Variants in TSC1 observed in about 807,000 individuals in gnomAD.
TSC1 encodes hamartin.
A neutral mutation model predicts 124.3 loss-of-function variants in TSC1; 20 were observed. The observed-to-expected ratio is 0.16, with a 90% CI of 0.11 to 0.23. TSC1 has a LOEUF of 0.23. Ranked by LOEUF, TSC1 falls within the 10% of genes least tolerant of loss-of-function variation. TSC1 has a pLI of 1.00. For synonymous variants in TSC1, 493 were observed against 539.1 expected (o/e 0.91, Z 1.19); for missense variants, 1,124 against 1,448.5 (o/e 0.78, Z 3.64).
intron 20 of TSC1, chr9:132,900,204 A>T (rs968600730): frequency 5.7e-6 from 1 of 176,084 alleles, no homozygotes; most frequent in African/African-American, 2.4e-5. Flanking sequence ...ACCTGAGGCT[A>T]TTTATAAAGT....
intron 20 of TSC1, chr9:132,899,247 G>A (rs1380183548): frequency 6.6e-6 from 1 of 152,320 alleles, no homozygotes; most frequent in Non-Finnish European, 1.5e-5. Context: ...TTCTTGCTGA[G>A]GAATAGGAAG....
At chr9:132,910,528 C>T (rs2131935470) in intron 12 of TSC1, 43 bp downstream of exon 12, 1 of 1,613,792 alleles carries the variant, frequency 6.2e-7, no homozygotes, top group Non-Finnish European at 8.5e-7. Flanking sequence ...GCAAGTGAGT[C>T]ACTGTGCCTG....
rs2131764159 is a variant in TSC1, at chr9:132,903,719, G to C, written c.2140C>G (p.Leu714Val). ...TTGCGGAGGAGCCGCCTGTTCCGGA[G>C]GGCATGCTGCTGCCTCTTAAAACGC... The part of the protein sequence containing the change: ...YERFKRQQHA[L>V]RNRRLLRKVI... Residue 714 changes from leucine (L) to valine (V), a missense_variant, in exon 17 of 23, where the codon CTC becomes GTC. Around this residue, in one of 5 missense-constraint regions of TSC1, gnomAD observed 321 missense variants for 397.4 expected, o/e 0.81. Coordinates refer to ENST00000298552, the MANE Select transcript of TSC1 (RefSeq NM_000368.5). The surrounding 1 kb of genome is among the most constrained non-coding windows in gnomAD (Gnocchi z 5.9). The C allele has an allele frequency of 6.2e-7, 1 of 1,613,214 alleles. No individual in the cohort carries two copies. Among genetic ancestry groups the C allele is most frequent in the Non-Finnish European group, 8.5e-7 (1 of 1,180,024 alleles).
At position 132,896,452 on chromosome 9, in the gene TSC1, C is replaced by T. The variant is rs550526986; in HGVS notation, c.3278G>A (p.Arg1093Gln). 4 of 1,614,172 alleles carry T rather than the reference C, an allele frequency of 2.5e-6. No homozygotes were observed. The highest frequency in any genetic ancestry group is 1.1e-5 in the South Asian group (1 of 91,078). The change falls in exon 23 of 23, where the codon CGA becomes CAA. Residue 1093 changes from arginine to glutamine, a missense_variant. By Grantham distance (43) the Arg-to-Gln change is conservative (BLOSUM62 1). Around this residue, in one of 5 missense-constraint regions of TSC1, gnomAD observed 325 missense variants for 383.4 expected, o/e 0.85. Coordinates refer to ENST00000298552, the MANE Select transcript of TSC1 (RefSeq NM_000368.5). This position sits in a 1 kb window ranked among gnomAD's most constrained non-coding sequence, Gnocchi z 4.5. ...SSKSFLGMKA[R>Q]ELFRNKSESQ... ...CTCGCTCTTATTACGAAATAACTCT[C>T]GAGCCTTCATACCCAGGAAGCTTTT... is the stretch of plus-strand genomic sequence containing the variant.
intron 8 of TSC1, among the ~76,000 whole-genome samples, chr9:132,919,566 G>A (rs191282229): frequency 1.8e-4 from 28 of 152,188 alleles, no homozygotes; most frequent in Non-Finnish European, 3.2e-4. Context: ...TCAAATTACC[G>A]ACTCTCAACC....
rs1294650682 is a variant in TSC1, at chr9:132,903,984, T to G, written c.2042-167A>C. On this transcript the variant is annotated intron_variant, in intron 16 of 22. Coordinates refer to ENST00000298552, the MANE Select transcript of TSC1 (RefSeq NM_000368.5). This position sits in a 1 kb window ranked among gnomAD's most constrained non-coding sequence, Gnocchi z 5.9. ...CCCAGCAACAGCAGGGGGGAAAGTA[T>G]GGACTATGTGTCTCCCCCGTGAAGG... 6.6e-6 allele frequency among the ~76,000 whole-genome samples: 1 copy of G among 152,178 alleles called. No homozygotes were observed. Among genetic ancestry groups the G allele is most frequent in the Non-Finnish European group, 1.5e-5 (1 of 68,026 alleles).
At position 132,894,918 on chromosome 9, in the gene TSC1, T is replaced by C. The variant is rs1004755147; in HGVS notation, c.*1317A>G. On this transcript the variant is annotated 3_prime_UTR_variant, in exon 23 of 23. Transcript: ENST00000298552. ...ACAGTTCTTAGGCTTCTAGCGTTTC[T>C]TTCAGGAGCACTTGTTGAGTTTGGA... 5 of 231,572 alleles carry C rather than the reference T, an allele frequency of 2.2e-5. No individual in the cohort carries two copies. Among genetic ancestry groups the C allele is most frequent in the Non-Finnish European group, 4.3e-5 (5 of 117,072 alleles). 14.3% of individuals were successfully genotyped at this position (231,572 alleles called of 1,614,324 possible). A position where few individuals can be genotyped will look rare whatever the true frequency, so the allele number is the denominator to read the frequency against.
At chr9:132,913,878 T>TTTGTA (rs1846111079) in intron 8 of TSC1, among the ~76,000 whole-genome samples, 3 of 99,876 alleles carry the variant, frequency 3.0e-5, no homozygotes, top group Non-Finnish European at 6.6e-5. Context: ...CCATGGGTTT[T>TTTGTA]TTGTTTTGTT....
At chr9:132,917,822 A>G (rs1299925107) in intron 8 of TSC1, among the ~76,000 whole-genome samples, 3 of 152,002 alleles carry the variant, frequency 2.0e-5, no homozygotes, top group Admixed American at 2.0e-4. Flanking sequence ...AATTTTGAAG[A>G]GTTCTTTTAG....
At chr9:132,928,721 C>G (rs1445560127) in intron 3 of TSC1, 46 bp downstream of exon 3, 6 of 1,609,650 alleles carry the variant, frequency 3.7e-6, no homozygotes, top group Admixed American at 1.7e-5. Flanking sequence ...TAAAGTCAAT[C>G]TCTTCTTTCT....
chr9:132,917,617 C>A (rs1846334550), intron 8 of TSC1, among the ~76,000 whole-genome samples: 1 of 152,176 alleles, frequency 6.6e-6, no homozygotes, highest in Non-Finnish European at 1.5e-5. Flanking sequence ...CAGGCGTGAG[C>A]CACTGCACCC....
rs796053469 is a variant in TSC1, at chr9:132,906,737, CTTT to C, written c.1429_1431del (p.Lys477del). Reference sequence around the variant, plus strand: ...GCAATCCCACATACATTACCTTCTTCTTTATCTTTTTCAATACTATCTTCTTCA... The same window carrying C: ...GCAATCCCACATACATTACCTTCTTCATCTTTTTCAATACTATCTTCTTCA... On this transcript the variant is annotated inframe_deletion, in exon 14 of 23. Coordinates refer to ENST00000298552, the MANE Select transcript of TSC1 (RefSeq NM_000368.5). The surrounding 1 kb of genome is among the most constrained non-coding windows in gnomAD (Gnocchi z 4.1). The C allele has an allele frequency of 1.2e-6, 2 of 1,613,368 alleles. No homozygotes were observed. The highest frequency in any genetic ancestry group is 1.7e-6 in the Non-Finnish European group (2 of 1,179,610).
chr9:132,928,783 T>C lies in TSC1; in HGVS notation c.90A>G (p.Lys30=), dbSNP rs1847032608. The part of the protein sequence containing the change: ...GVRDDVTAVF[K]ENLNSDRGPM... ...TTTGCTAACCAGAATTGAGGTTCTC[T>C]TTAAAGACAGCTGTCACGTCGTCCC... The change falls in exon 3 of 23, where the codon AAA becomes AAG. Residue 30 remains lysine (K), a synonymous_variant. Transcript: ENST00000298552. 1.2e-6 allele frequency: 2 copies of C among 1,614,190 alleles called. No individual in the cohort carries two copies. The highest frequency in any genetic ancestry group is 1.7e-6 in the Non-Finnish European group (2 of 1,180,020).
In TSC1 at chr9:132,944,608, T is replaced by C. The variant is rs1847984243; in HGVS notation, c.-209A>G. ...TCCAGCCTACAGGGCGCCGCCATCT[T>C]GGACGTACAGCACCTCCCCCGTCGT... On this transcript the variant is annotated 5_prime_UTR_variant, in exon 1 of 23. Transcript: ENST00000298552. 1 of 398,818 alleles carries C rather than the reference T, an allele frequency of 2.5e-6. No homozygotes were observed. Among genetic ancestry groups the C allele is most frequent in the Non-Finnish European group, 4.4e-6 (1 of 226,374 alleles). The allele number at this position is 398,818 out of a possible 1,614,324, so 24.7% of individuals were successfully genotyped here.
rs1490115653 is a variant in TSC1, at chr9:132,944,571, C to T, written c.-172G>A. ...CCGTCTCCTCCCCCTCAGCTGTTTA[C>T]CTCACAGTCCCTCCAGCCTACAGGG... On this transcript the variant is annotated 5_prime_UTR_variant, in exon 1 of 23. Transcript: ENST00000298552. 5.0e-6 allele frequency: 2 copies of T among 398,774 alleles called. No individual in the cohort carries two copies. Among genetic ancestry groups the T allele is most frequent in the Non-Finnish European group, 8.8e-6 (2 of 226,276 alleles). 24.7% of individuals were successfully genotyped at this position (398,774 alleles called of 1,614,324 possible). A position where few individuals can be genotyped will look rare whatever the true frequency, so the allele number is the denominator to read the frequency against.
At position 132,896,185 on chromosome 9, in the gene TSC1, C is replaced by A; in HGVS notation, c.*50G>T. 1.2e-6 allele frequency: 2 copies of A among 1,613,160 alleles called. No individual in the cohort carries two copies. The highest frequency in any genetic ancestry group is 1.7e-6 in the Non-Finnish European group (2 of 1,179,562). ...AGCTTTGAAACGTGCATTCACACCT[C>A]CTGTTCTGTGCCAACAATATGCAAG... On this transcript the variant is annotated 3_prime_UTR_variant, in exon 23 of 23. Coordinates refer to ENST00000298552, the MANE Select transcript of TSC1 (RefSeq NM_000368.5). This position sits in a 1 kb window ranked among gnomAD's most constrained non-coding sequence, Gnocchi z 4.5.
chr9:132,915,952 T>C (rs1165918803), intron 8 of TSC1, among the ~76,000 whole-genome samples: 4 of 152,138 alleles, frequency 2.6e-5, no homozygotes, highest in African/African-American at 9.7e-5. Context: ...GACTAGAAAG[T>C]GATTGAGAGC....
At chr9:132,930,189 A>G (rs1847129003) in intron 2 of TSC1, among the ~76,000 whole-genome samples, 1 of 152,220 alleles carries the variant, frequency 6.6e-6, no homozygotes, top group Non-Finnish European at 1.5e-5. Flanking sequence ...TCAGGAATCT[A>G]TATTTTAATA....
intron 1 of TSC1, 114 bp from the exon 2 acceptor site, chr9:132,935,209 C>G (rs113496815): frequency 8.2e-4 from 324 of 396,246 alleles, no homozygotes; most frequent in Middle Eastern, 4.4e-3. Flanking sequence ...AGGTGGCCAC[C>G]ACGTTTCCAC....
Sources: gnomAD v4.1 joint callset for allele counts (sites outside exome capture counted in the v4.1 genomes callset) on GRCh38, gnomAD v4.1.1 for gene constraint, gnomAD v4.1.1 regional missense constraint, Gnocchi (gnomAD v3.1) non-coding constraint, MANE v1.5 for transcripts, NCBI Gene and HGNC (gene_info 2026-07-23, HGNC 2026-07-21) for gene names.